Variants in LRP1B observed in about 807,000 individuals in gnomAD.
The protein encoded by LRP1B is LDL receptor related protein 1B.
A neutral mutation model predicts 556.6 loss-of-function variants in LRP1B; 217 were observed. The ratio of observed to expected loss-of-function variants is 0.39; its 90% confidence interval spans 0.35 to 0.44. The LOEUF (loss-of-function observed/expected upper bound fraction) is 0.44. LRP1B is among the 20% of genes least tolerant of loss of function. The probability of loss-of-function intolerance (pLI) is 1.00; values close to 1 mark genes in which losing one functional copy is unlikely to be tolerated. For synonymous variants in LRP1B, 2,047 were observed against 1,865.8 expected, an observed-to-expected ratio of 1.10 and a Z score of -2.50; for missense variants, 5,053 against 5,620.8, an observed-to-expected ratio of 0.90 and a Z score of 3.23.
chr2:140,311,188 T>C (rs935212297), intron 83 of LRP1B, among the ~76,000 whole-genome samples: 1 of 151,552 alleles, frequency 6.6e-6, no homozygotes, highest in African/African-American at 2.4e-5. Flanking sequence ...ATTCACCTAA[T>C]GGGAAAAAAA....
At chr2:140,795,502 T>C (rs557015223) in intron 32 of LRP1B, among the ~76,000 whole-genome samples, 27 of 152,302 alleles carry the variant, frequency 1.8e-4, no homozygotes, top group African/African-American at 6.5e-4. Context: ...CAGAATTAAA[T>C]TGATACAGAT....
At chr2:141,116,938 C>T (rs1007212493) in intron 7 of LRP1B, among the ~76,000 whole-genome samples, 1 of 151,916 alleles carries the variant, frequency 6.6e-6, no homozygotes, top group African/African-American at 2.4e-5. Flanking sequence ...TTTGCAACAC[C>T]CTGACCACTT....
intron 2 of LRP1B, among the ~76,000 whole-genome samples, chr2:141,682,568 A>G (rs2105432238): frequency 6.6e-6 from 1 of 152,286 alleles, no homozygotes; most frequent in East Asian, 1.9e-4. Context: ...CTCAACTTTC[A>G]TATAACTAGG....
At chr2:140,732,032 A>G (rs778477352) in intron 35 of LRP1B, among the ~76,000 whole-genome samples, 4 of 152,088 alleles carry the variant, frequency 2.6e-5, no homozygotes, top group Non-Finnish European at 5.9e-5. Flanking sequence ...ACACCAAAAG[A>G]TATAGTATTG....
At chr2:141,748,395 T>A (rs1693986494) in intron 2 of LRP1B, among the ~76,000 whole-genome samples, 1 of 152,202 alleles carries the variant, frequency 6.6e-6, no homozygotes, top group African/African-American at 2.4e-5. Flanking sequence ...CTAAATATAT[T>A]TTCTAGCACA....
At chr2:141,849,526 CATA>C (rs1287988680) in intron 1 of LRP1B, among the ~76,000 whole-genome samples, 3 of 151,548 alleles carry the variant, frequency 2.0e-5, no homozygotes, top group Non-Finnish European at 4.4e-5. Flanking sequence ...TCTACTGTCT[CATA>C]ATACCTTTAT....
intron 1 of LRP1B, among the ~76,000 whole-genome samples, chr2:142,018,627 A>C (rs1444839937): frequency 6.6e-6 from 1 of 152,138 alleles, no homozygotes; most frequent in East Asian, 1.9e-4. Flanking sequence ...AAAACAATAC[A>C]TAATCCTGAC....
intron 1 of LRP1B, among the ~76,000 whole-genome samples, chr2:141,907,077 A>G (rs1224275389): frequency 6.6e-6 from 1 of 152,022 alleles, no homozygotes; most frequent in Non-Finnish European, 1.5e-5. Flanking sequence ...GAATCAATAC[A>G]ATCAAATGTA....
intron 35 of LRP1B, among the ~76,000 whole-genome samples, chr2:140,756,216 T>A (rs1688737221): frequency 6.6e-6 from 1 of 152,042 alleles, no homozygotes; most frequent in African/African-American, 2.4e-5. Context: ...ATCACATTGA[T>A]ATACTGGAAG....
At chr2:140,628,201 G>A (rs1371186800) in intron 41 of LRP1B, among the ~76,000 whole-genome samples, 2 of 152,048 alleles carry the variant, frequency 1.3e-5, no homozygotes, top group African/African-American at 4.8e-5. Flanking sequence ...AGAGAACAGA[G>A]GACACCAAGT....
chr2:142,122,342 GA>G (rs1707486292), intron 1 of LRP1B, among the ~76,000 whole-genome samples: 1 of 152,082 alleles, frequency 6.6e-6, no homozygotes, highest in Admixed American at 6.6e-5. Context: ...CTAGGAGAAG[GA>G]ACTGTAGAAT....
At chr2:140,621,922 C>T (rs1683471975) in intron 41 of LRP1B, among the ~76,000 whole-genome samples, 1 of 152,174 alleles carries the variant, frequency 6.6e-6, no homozygotes, top group Admixed American at 6.5e-5. Context: ...TTGAAGAAGT[C>T]ATATTAGCTA....
intron 84 of LRP1B, among the ~76,000 whole-genome samples, chr2:140,297,429 A>G (rs1228468485): frequency 6.6e-6 from 1 of 152,134 alleles, no homozygotes; most frequent in Admixed American, 6.5e-5. Flanking sequence ...AAATGAGGCC[A>G]GCCAATATAA....
intron 32 of LRP1B, among the ~76,000 whole-genome samples, chr2:140,803,290 T>TTTTTTTTTTTTTTC (rs869303438): frequency 4.0e-4 from 46 of 115,288 alleles, no homozygotes; most frequent in African/African-American, 1.5e-3. Flanking sequence ...TTTTTTTTTT[T>TTTTTTTTTTTTTTC]CCGAGATGGA....
At chr2:141,821,317 A>C (rs778120405) in intron 1 of LRP1B, among the ~76,000 whole-genome samples, 4 of 152,238 alleles carry the variant, frequency 2.6e-5, no homozygotes, top group Admixed American at 2.6e-4. Flanking sequence ...CACAGGTGTA[A>C]GCCTCATCTA....
chr2:141,750,524 C>T (rs1694070111), intron 2 of LRP1B, among the ~76,000 whole-genome samples: 1 of 152,128 alleles, frequency 6.6e-6, no homozygotes, highest in Non-Finnish European at 1.5e-5. Context: ...TTCTTCAAGC[C>T]TTTCAAGCAT....
At chr2:140,878,109 T>C (rs1410858211) in intron 25 of LRP1B, among the ~76,000 whole-genome samples, 1 of 152,196 alleles carries the variant, frequency 6.6e-6, no homozygotes, top group Non-Finnish European at 1.5e-5. Flanking sequence ...TGAACATTCA[T>C]ATACCAGAGG....
chr2:140,323,862 T>C (rs1680304544), intron 81 of LRP1B, 31 bp downstream of exon 81: 4 of 1,112,124 alleles, frequency 3.6e-6, no homozygotes, highest in Middle Eastern at 2.3e-4. Context: ...AATTTACCAA[T>C]ATAGACAACT....
In LRP1B at chr2:140,420,660, TA is replaced by T. The variant is rs549089846; in HGVS notation, c.10414+21843del. ...AAATTAGTATATCCACACAACAGAA[TA>T]CTTCTTAGCCATATAAAAGAATTAA... is the stretch of plus-strand genomic sequence containing the variant. On this transcript the variant is annotated intron_variant, in intron 66 of 90. Transcript: ENST00000389484. Among the ~76,000 whole-genome samples, 323 of 152,318 alleles carry T rather than the reference TA, an allele frequency of 2.1e-3. 1 individual carries two copies. Among genetic ancestry groups the T allele is most frequent in the African/African-American group, 7.2e-3 (298 of 41,564 alleles).
Sources: allele counts gnomAD v4.1 joint callset (sites outside exome capture counted in the v4.1 genomes callset), GRCh38; gene constraint gnomAD v4.1.1; transcripts MANE v1.5; gene names NCBI Gene and HGNC (gene_info 2026-07-23, HGNC 2026-07-21).